Variants in ASXL3 observed in about 807,000 individuals in gnomAD.
ASXL3 encodes the protein ASXL transcriptional regulator 3.
A neutral mutation model predicts 170.6 loss-of-function variants in ASXL3; 34 were observed. The observed-to-expected ratio is 0.20, with a 90% CI of 0.15 to 0.27. The LOEUF is 0.27. ASXL3 is among the 10% of genes least tolerant of loss of function. The pLI, the probability that ASXL3 is intolerant of heterozygous loss-of-function variation, is 1.00. For missense variants in ASXL3, 2,592 were observed against 2,695.3 expected (o/e 0.96, Z 0.85); for synonymous variants, 1,002 against 989.1 (o/e 1.01, Z -0.24).
intron 8 of ASXL3, among the ~76,000 whole-genome samples, chr18:33,728,039 A>G (rs1355633381): frequency 1.3e-5 from 2 of 152,122 alleles, no homozygotes; most frequent in Non-Finnish European, 2.9e-5. Context: ...TGGATCTGGT[A>G]TTTATTTGTG....
At chr18:33,671,307 A>G (rs1399929641) in intron 6 of ASXL3, among the ~76,000 whole-genome samples, 1 of 152,094 alleles carries the variant, frequency 6.6e-6, no homozygotes, top group East Asian at 1.9e-4. Flanking sequence ...TATTCTATTT[A>G]TTGTGGATTA....
chr18:33,689,758 T>G (rs558157612), intron 8 of ASXL3, among the ~76,000 whole-genome samples: 1 of 152,334 alleles, frequency 6.6e-6, no homozygotes, highest in East Asian at 1.9e-4. Flanking sequence ...CAGTGTAAAC[T>G]TGCTCCTTTC....
At chr18:33,582,965 A>G (rs2065006047) in intron 1 of ASXL3, among the ~76,000 whole-genome samples, 1 of 152,186 alleles carries the variant, frequency 6.6e-6, no homozygotes, top group Non-Finnish European at 1.5e-5. Flanking sequence ...ATTATGCATT[A>G]CATTCTAAAT....
chr18:33,602,383 A>C (rs1416242074), intron 1 of ASXL3, among the ~76,000 whole-genome samples: 1 of 152,084 alleles, frequency 6.6e-6, no homozygotes, highest in Non-Finnish European at 1.5e-5. Context: ...CAGCAGCCAC[A>C]TATGCTGGGA....
intron 3 of ASXL3, 44 bp downstream of exon 3, chr18:33,645,046 A>G (rs1470016122): frequency 1.5e-6 from 2 of 1,336,674 alleles, no homozygotes; most frequent in African/African-American, 2.9e-5. Flanking sequence ...ATTATCATGC[A>G]TTTTTTCAGA....
chr18:33,698,264 A>G (rs1026574495), intron 8 of ASXL3, among the ~76,000 whole-genome samples: 2 of 152,208 alleles, frequency 1.3e-5, no homozygotes, highest in Non-Finnish European at 2.9e-5. Context: ...TTTTGGAAGC[A>G]TAGAATATCC....
chr18:33,743,661 C>A lies in ASXL3; in HGVS notation c.3813C>A (p.Asn1271Lys). The change falls in exon 12 of 12, where the codon AAC becomes AAA. Residue 1271 changes from asparagine to lysine, a missense_variant. Transcript: ENST00000269197. ...SSVLMSVDSA[N>K]TTISACNISM... ...TCCTAATGTCTGTTGACAGTGCAAA[C>A]ACTACAATTTCTGCTTGTAATATAA... 1.9e-6 allele frequency: 3 copies of A among 1,613,840 alleles called. No homozygotes were observed.
chr18:33,723,968 G>A (rs1010180672), intron 8 of ASXL3, among the ~76,000 whole-genome samples: 6 of 152,104 alleles, frequency 3.9e-5, no homozygotes, highest in African/African-American at 1.4e-4. Flanking sequence ...AAGTAATAAC[G>A]TATTTTTAAT....
In ASXL3 at chr18:33,751,100, T is replaced by C. The variant is rs2067878963; in HGVS notation, c.*4505T>C. ...TAAGTTAAATGAAATGAAATGTTTG[T>C]CTCTTCATGTTTCTCTGTCTTTCCC... On this transcript the variant is annotated 3_prime_UTR_variant, in exon 12 of 12. Transcript: ENST00000269197. 6.6e-6 allele frequency: 1 copy of C among 152,214 alleles called. No individual in the cohort carries two copies. 9.4% of individuals were successfully genotyped at this position (152,214 alleles called of 1,614,324 possible).
chr18:33,613,814 A>T (rs1271018520), intron 2 of ASXL3, among the ~76,000 whole-genome samples: 1 of 152,058 alleles, frequency 6.6e-6, no homozygotes, highest in Non-Finnish European at 1.5e-5. Flanking sequence ...CCAGATATTA[A>T]TTAGGGAGGC....
At chr18:33,671,610 G>A in intron 6 of ASXL3, 137 bp from the exon 7 acceptor site, 1 of 658,354 alleles carries the variant, frequency 1.5e-6, no homozygotes, top group Non-Finnish European at 2.4e-6. Context: ...TCCAGTAGGG[G>A]AATCAGATTG....
At chr18:33,596,189 A>G (rs1027596622) in intron 1 of ASXL3, among the ~76,000 whole-genome samples, 1 of 152,210 alleles carries the variant, frequency 6.6e-6, no homozygotes, top group African/African-American at 2.4e-5. Flanking sequence ...GTAGATTAGC[A>G]TTTTGAATGA....
chr18:33,582,698 G>T (rs78991047), intron 1 of ASXL3, among the ~76,000 whole-genome samples: 7,998 of 141,244 alleles, frequency 0.057, 270 homozygotes, highest in South Asian at 0.082. Context: ...TTGTTGGTTG[G>T]TTTTTTTCTG....
At chr18:33,598,286 A>T (rs915753355) in intron 1 of ASXL3, among the ~76,000 whole-genome samples, 1 of 152,196 alleles carries the variant, frequency 6.6e-6, no homozygotes, top group South Asian at 2.1e-4. Context: ...TAATTATTTC[A>T]TCTAATATTC....
intron 1 of ASXL3, among the ~76,000 whole-genome samples, chr18:33,584,180 C>A (rs770567401): frequency 1.3e-5 from 2 of 151,936 alleles, no homozygotes; most frequent in Admixed American, 6.6e-5. Flanking sequence ...GAAGAGAGAA[C>A]GACATGGACA....
chr18:33,635,861 T>TA (rs1241158284), intron 2 of ASXL3, among the ~76,000 whole-genome samples: 1 of 152,224 alleles, frequency 6.6e-6, no homozygotes, highest in African/African-American at 2.4e-5. Context: ...TCCATGATCG[T>TA]AACAGCTTTT....
chr18:33,744,980 C>T lies in ASXL3; in HGVS notation c.5132C>T (p.Ser1711Phe), dbSNP rs866858213. 6.2e-7 allele frequency: 1 copy of T among 1,614,002 alleles called. No homozygotes were observed. The highest frequency in any genetic ancestry group is 1.1e-5 in the South Asian group (1 of 91,084). Residue 1711 changes from serine to phenylalanine, a missense_variant, in exon 12 of 12, where the codon TCC becomes TTC. Physicochemically the swap from Ser to Phe is radical, Grantham distance 155. This residue lies in a region of ASXL3 where 2,246 missense variants were observed against 2,219.6 expected (regional missense o/e 1.01). Coordinates refer to ENST00000269197, the MANE Select transcript of ASXL3 (RefSeq NM_030632.3). The part of the protein sequence containing the change: ...SVQQTQNMKA[S>F]TSSPMEEAIS... ...CAACAAACACAGAACATGAAAGCTT[C>T]CACCTCAAGTCCCATGGAAGAGGCT...
chr18:33,621,333 A>G (rs189975719), intron 2 of ASXL3, among the ~76,000 whole-genome samples: 15 of 152,278 alleles, frequency 9.9e-5, no homozygotes, highest in South Asian at 8.3e-4. Flanking sequence ...AACCCTGTGT[A>G]AAGAAAGAAG....
chr18:33,606,406 A>G (rs768432034), intron 1 of ASXL3, among the ~76,000 whole-genome samples: 2 of 151,970 alleles, frequency 1.3e-5, no homozygotes, highest in Non-Finnish European at 2.9e-5. Context: ...GAAAGAGAGA[A>G]TAGGAAAGTG....
Sources: allele counts gnomAD v4.1 joint callset (sites outside exome capture counted in the v4.1 genomes callset), GRCh38; gene constraint gnomAD v4.1.1; regional missense constraint gnomAD v4.1.1; transcripts MANE v1.5; gene names NCBI Gene and HGNC (gene_info 2026-07-23, HGNC 2026-07-21).